Variants in BCKDHA observed in about 807,000 individuals in gnomAD.
The protein encoded by BCKDHA is branched chain keto acid dehydrogenase E1 subunit alpha.
In BCKDHA, 43 loss-of-function variants were observed where a neutral mutation model predicts 52.2. That is an observed-to-expected ratio of 0.82 (90% CI 0.64 to 1.06). The LOEUF is 1.06. Among genes scored for constraint, BCKDHA ranks in the 50% least tolerant of loss-of-function variants. The pLI, the probability that BCKDHA is intolerant of heterozygous loss-of-function variation, is 0.00. For synonymous variants in BCKDHA, 234 were observed against 247.9 expected (o/e 0.94, Z 0.53); for missense variants, 527 against 621.3 (o/e 0.85, Z 1.61).
At chr19:41,414,596 G>A (rs763110144) in intron 4 of BCKDHA, among the ~76,000 whole-genome samples, 10 of 152,178 alleles carry the variant, frequency 6.6e-5, no homozygotes, top group Admixed American at 2.0e-4. Flanking sequence ...TGTATCCTTC[G>A]GGGAGCAGGA....
At chr19:41,417,762 T>C (rs971879935) in intron 4 of BCKDHA, among the ~76,000 whole-genome samples, 5 of 151,788 alleles carry the variant, frequency 3.3e-5, no homozygotes, top group African/African-American at 1.2e-4. Context: ...CCGTCTCTCC[T>C]GAAAATGCAA....
chr19:41,410,532 G>A (rs185268621), intron 1 of BCKDHA, 105 bp from the exon 2 acceptor site: 8 of 1,318,150 alleles, frequency 6.1e-6, no homozygotes, highest in African/African-American at 2.9e-5. Flanking sequence ...GTTCACTGGG[G>A]CCACATGCTC....
chr19:41,411,687 T>C (rs908933160), intron 3 of BCKDHA, among the ~76,000 whole-genome samples: 1 of 152,146 alleles, frequency 6.6e-6, no homozygotes, highest in African/African-American at 2.4e-5. Flanking sequence ...AATAATACTT[T>C]AGTCCCGGCA....
At chr19:41,410,273 C>T (rs1226150547) in intron 1 of BCKDHA, among the ~76,000 whole-genome samples, 4 of 152,092 alleles carry the variant, frequency 2.6e-5, no homozygotes, top group African/African-American at 9.7e-5. Context: ...ATGGGGAGGC[C>T]TCGAATGCCA....
chr19:41,421,947 C>T (rs2039370371), intron 5 of BCKDHA, among the ~76,000 whole-genome samples: 1 of 152,034 alleles, frequency 6.6e-6, no homozygotes, highest in Admixed American at 6.5e-5. Context: ...ACTCTTCAGC[C>T]TGAGCAGTTG....
At chr19:41,411,938 C>A (rs940387288) in intron 3 of BCKDHA, among the ~76,000 whole-genome samples, 1 of 152,212 alleles carries the variant, frequency 6.6e-6, no homozygotes, top group African/African-American at 2.4e-5. Context: ...AGAAAGCACA[C>A]ATTCATCAGT....
At position 41,404,326 on chromosome 19, in the gene BCKDHA, G is replaced by A. The variant is rs924252972; in HGVS notation, c.109-6311G>A. On this transcript the variant is annotated intron_variant, in intron 1 of 8. Transcript: ENST00000269980. Reference sequence around the variant, plus strand: ...TTTTTTTGAGATGTAGTCTTGCTCTGTCACCCAGGCTGGAGTGCAGTGGCA... The same window carrying A: ...TTTTTTTGAGATGTAGTCTTGCTCTATCACCCAGGCTGGAGTGCAGTGGCA... Among the ~76,000 whole-genome samples the A allele has an allele frequency of 2.7e-5, 4 of 149,646 alleles. No individual in the cohort carries two copies. The East Asian group carries it at 8.0e-4, about 30-fold the overall frequency.
chr19:41,410,357 G>A (rs1482525773), intron 1 of BCKDHA, among the ~76,000 whole-genome samples: 5 of 152,218 alleles, frequency 3.3e-5, no homozygotes, highest in African/African-American at 1.2e-4. Flanking sequence ...CCACTTGATT[G>A]AGTCATTTAA....
chr19:41,409,720 AG>A (rs936442028), intron 1 of BCKDHA, among the ~76,000 whole-genome samples: 3 of 150,300 alleles, frequency 2.0e-5, no homozygotes, highest in Non-Finnish European at 4.4e-5. Context: ...CATTTCCATG[AG>A]GGGTTCTCCA....
intron 3 of BCKDHA, 26 bp from the exon 4 acceptor site, chr19:41,414,023 G>A: frequency 6.3e-7 from 1 of 1,595,582 alleles, no homozygotes; most frequent in Middle Eastern, 1.7e-4. Context: ...CCAATTGTGG[G>A]ACCCCGGTCC....
chr19:41,407,926 C>T (rs2039210326), intron 1 of BCKDHA, among the ~76,000 whole-genome samples: 2 of 149,506 alleles, frequency 1.3e-5, no homozygotes, highest in South Asian at 2.1e-4. Flanking sequence ...TGAATCTCAG[C>T]GTTGGAAGCC....
In BCKDHA at chr19:41,414,106, G is replaced by A; in HGVS notation, c.433G>A (p.Ala145Thr). ...YGEEGTHVGS[A>T]AALDNTDLVF... ...TGAGGAGGGCACGCACGTGGGGAGTGCCGCCGCCCTGGACAACACGGACCT... is the reference window on the plus strand; with the variant it reads ...TGAGGAGGGCACGCACGTGGGGAGTACCGCCGCCCTGGACAACACGGACCT... Residue 145 changes from alanine (A) to threonine (T), a missense_variant, in exon 4 of 9, where the codon GCC (alanine) becomes ACC (threonine). By Grantham distance (58) the Ala-to-Thr change is moderately conservative (BLOSUM62 0). Coordinates refer to ENST00000269980, the MANE Select transcript of BCKDHA (RefSeq NM_000709.4). The A allele has an allele frequency of 1.9e-6, 3 of 1,613,748 alleles. No homozygotes were observed. The highest frequency in any genetic ancestry group is 2.5e-6 in the Non-Finnish European group (3 of 1,180,034).
chr19:41,420,493 G>C (rs746297052), intron 5 of BCKDHA, among the ~76,000 whole-genome samples: 31 of 152,116 alleles, frequency 2.0e-4, no homozygotes, highest in Non-Finnish European at 4.0e-4. Context: ...TAGCTACTCA[G>C]GAGGCTGAAG....
chr19:41,408,770 A>C (rs2039221193), intron 1 of BCKDHA, among the ~76,000 whole-genome samples: 1 of 151,882 alleles, frequency 6.6e-6, no homozygotes, highest in African/African-American at 2.4e-5. Context: ...GGTGTATGTT[A>C]CCATGCTTGA....
chr19:41,397,862 G>C lies in BCKDHA; in HGVS notation c.35G>C (p.Arg12Pro), dbSNP rs769659202. ...AVAIAAARVW[R>P]LNRGLSQAAL... ...GCGATCGCTGCAGCGAGGGTCTGGC[G>C]GCTAAACCGTGGTTTGAGCCAGGCT... Residue 12 changes from arginine (R) to proline (P), a missense_variant, in exon 1 of 9, where the codon CGG becomes CCG. Arg to Pro is a moderately radical substitution (Grantham distance 103). Transcript: ENST00000269980. 155 of 1,614,084 alleles carry C rather than the reference G, an allele frequency of 9.6e-5. No homozygotes were observed. The East Asian group carries it at 3.5e-3, about 36-fold the overall frequency.
At position 41,422,625 on chromosome 19, in the gene BCKDHA, A is replaced by G; in HGVS notation, c.854-4A>G. The G allele has an allele frequency of 1.9e-6, 3 of 1,613,866 alleles. No individual in the cohort carries two copies. In the South Asian group the frequency reaches 3.3e-5, roughly 18 times the overall value. ...CCTGACCTGCCTTCTCTGTGTCCCC[A>G]CAGCAGCACGAGGCCCCGGGTATGG... On this transcript the variant is annotated splice_polypyrimidine_tract_variant and splice_region_variant and intron_variant, in intron 6 of 8. Coordinates refer to ENST00000269980, the MANE Select transcript of BCKDHA (RefSeq NM_000709.4).
At chr19:41,409,798 A>ATTTTTTTTTTT (rs10565264) in intron 1 of BCKDHA, among the ~76,000 whole-genome samples, 1 of 109,156 alleles carries the variant, frequency 9.2e-6, no homozygotes, top group Non-Finnish European at 1.9e-5. Context: ...CCTCTAAGGG[A>ATTTTTTTTTTT]TTTTTTTTTT....
intron 1 of BCKDHA, among the ~76,000 whole-genome samples, chr19:41,409,865 A>G (rs1478626632): frequency 6.8e-6 from 1 of 147,932 alleles, no homozygotes; most frequent in Non-Finnish European, 1.5e-5. Context: ...CTATGGCGCA[A>G]TCTCGGCTCA....
rs753696309 is a variant in BCKDHA at position 41,411,014 on chromosome 19, G to T, written c.375+5G>T. Reference sequence around the variant, plus strand: ...CTCTATGAGTCTCAGCGGCAGGTGCGTGGGGACAGGACTAGGGGCGGGGGG... The same window carrying T: ...CTCTATGAGTCTCAGCGGCAGGTGCTTGGGGACAGGACTAGGGGCGGGGGG... On this transcript the variant is annotated splice_donor_5th_base_variant and intron_variant, in intron 3 of 8. Coordinates refer to ENST00000269980, the MANE Select transcript of BCKDHA (RefSeq NM_000709.4). 1 of 1,613,930 alleles carries T rather than the reference G, an allele frequency of 6.2e-7. No homozygotes were observed. Among genetic ancestry groups the T allele is most frequent in the Non-Finnish European group, 8.5e-7 (1 of 1,179,982 alleles).
Sources: gnomAD v4.1 joint callset for allele counts (sites outside exome capture counted in the v4.1 genomes callset) on GRCh38, gnomAD v4.1.1 for gene constraint, MANE v1.5 for transcripts, NCBI Gene and HGNC (gene_info 2026-07-23, HGNC 2026-07-21) for gene names.